Variants in SIL1 observed in about 807,000 individuals in gnomAD.
The protein encoded by SIL1 is SIL1 nucleotide exchange factor, also known as nucleotide exchange factor SIL1.
A neutral mutation model predicts 49.1 loss-of-function variants in SIL1; 40 were observed. That is an observed-to-expected ratio of 0.81 (90% CI 0.63 to 1.06). The LOEUF is 1.06. Ranked by LOEUF, SIL1 falls within the 50% of genes least tolerant of loss-of-function variation. The pLI, the probability that SIL1 is intolerant of heterozygous loss-of-function variation, is 0.00. For synonymous variants in SIL1, 253 were observed against 250.8 expected (o/e 1.01, Z -0.08); for missense variants, 500 against 572.6 (o/e 0.87, Z 1.29).
intron 3 of SIL1, among the ~76,000 whole-genome samples, chr5:139,100,872 G>A (rs1770571555): frequency 6.6e-6 from 1 of 151,988 alleles, no homozygotes; most frequent in Admixed American, 6.6e-5. Flanking sequence ...CCAAGTAAAG[G>A]TGTCTAGTAG....
chr5:139,155,388 T>C (rs1751385065), intron 1 of SIL1: 1 of 151,274 alleles, frequency 6.6e-6, no homozygotes, highest in South Asian at 2.1e-4. Context: ...TGCAGATGGC[T>C]GCCCTCTTGC....
At chr5:139,062,242 C>CT (rs34712860) in intron 3 of SIL1, among the ~76,000 whole-genome samples, 1 of 151,944 alleles carries the variant, frequency 6.6e-6, no homozygotes, top group South Asian at 2.1e-4. Context: ...AAATGGAGAC[C>CT]TTTTTTTTAA....
intron 1 of SIL1, among the ~76,000 whole-genome samples, chr5:139,148,652 G>A (rs762071718): frequency 3.3e-5 from 5 of 152,176 alleles, no homozygotes; most frequent in East Asian, 1.9e-4. Context: ...CAATCCCACC[G>A]GGTCATGAAT....
intron 1 of SIL1, among the ~76,000 whole-genome samples, chr5:139,133,886 T>C (rs1182831772): frequency 6.6e-6 from 1 of 152,202 alleles, no homozygotes; most frequent in Non-Finnish European, 1.5e-5. Context: ...CACTGGGTAG[T>C]ATAACACATG....
intron 3 of SIL1, among the ~76,000 whole-genome samples, chr5:139,054,292 T>C (rs1769356607): frequency 6.6e-6 from 1 of 152,118 alleles, no homozygotes; most frequent in Non-Finnish European, 1.5e-5. Context: ...GCTCCTATAG[T>C]CCTAGCCACT....
At chr5:139,057,379 A>T (rs1769476758) in intron 3 of SIL1, among the ~76,000 whole-genome samples, 2 of 151,618 alleles carry the variant, frequency 1.3e-5, no homozygotes, top group Admixed American at 1.3e-4. Context: ...AGGATGAGAC[A>T]CCCACGGAGA....
intron 3 of SIL1, among the ~76,000 whole-genome samples, chr5:139,117,286 T>C (rs1446588957): frequency 2.0e-5 from 3 of 152,150 alleles, no homozygotes; most frequent in Non-Finnish European, 2.9e-5. Context: ...GCCAGACAAA[T>C]CTAGGTTTGA....
chr5:139,147,883 C>A (rs747667273), intron 1 of SIL1, among the ~76,000 whole-genome samples: 8 of 152,160 alleles, frequency 5.3e-5, no homozygotes, highest in Non-Finnish European at 1.2e-4. Flanking sequence ...GCACGCTGCC[C>A]TGGGGAGCCG....
chr5:139,106,619 G>C (rs1770718398), intron 3 of SIL1, among the ~76,000 whole-genome samples: 1 of 152,094 alleles, frequency 6.6e-6, no homozygotes, highest in Non-Finnish European at 1.5e-5. Flanking sequence ...TTGTGTGCTA[G>C]AATGAAAGAC....
intron 4 of SIL1, among the ~76,000 whole-genome samples, chr5:139,046,293 C>T (rs773505346): frequency 3.9e-4 from 59 of 152,026 alleles, no homozygotes; most frequent in Non-Finnish European, 4.4e-5. Flanking sequence ...TGCCACTGCA[C>T]TCCAGCCTGG....
intron 3 of SIL1, among the ~76,000 whole-genome samples, chr5:139,080,921 G>A (rs1376284256): frequency 6.6e-6 from 1 of 152,194 alleles, no homozygotes; most frequent in Non-Finnish European, 1.5e-5. Context: ...CATACCCATA[G>A]AATTTAAATT....
At chr5:139,101,002 G>A (rs1770575695) in intron 3 of SIL1, among the ~76,000 whole-genome samples, 1 of 151,962 alleles carries the variant, frequency 6.6e-6, no homozygotes, top group East Asian at 1.9e-4. Flanking sequence ...CGCCTTAAGT[G>A]TAGACAGAGA....
chr5:139,076,246 T>C (rs142281964), intron 3 of SIL1, among the ~76,000 whole-genome samples: 94 of 152,318 alleles, frequency 6.2e-4, no homozygotes, highest in African/African-American at 2.1e-3. Flanking sequence ...TATAAACTGA[T>C]CCTATTTCTC....
At chr5:139,175,530 T>C (rs1751863330) in intron 1 of SIL1, among the ~76,000 whole-genome samples, 1 of 152,250 alleles carries the variant, frequency 6.6e-6, no homozygotes. Flanking sequence ...CTAGACCTGA[T>C]GGCTTCACCA....
intron 1 of SIL1, chr5:139,131,753 G>GAGAGT (rs1750869251): frequency 6.6e-6 from 1 of 152,354 alleles, no homozygotes; most frequent in Non-Finnish European, 1.5e-5. Flanking sequence ...GCCATCCCTG[G>GAGAGT]GTGTGAGCAG....
intron 1 of SIL1, among the ~76,000 whole-genome samples, chr5:139,182,774 C>T (rs1186135687): frequency 6.6e-6 from 1 of 152,182 alleles, no homozygotes; most frequent in Non-Finnish European, 1.5e-5. Flanking sequence ...GGGGGTTTCA[C>T]AGCTGAGGAC....
intron 7 of SIL1, among the ~76,000 whole-genome samples, chr5:138,962,305 T>A (rs1263872220): frequency 2.8e-5 from 4 of 141,540 alleles, no homozygotes; most frequent in Non-Finnish European, 1.6e-5. Context: ...ACTTTTTCCA[T>A]TTTTTTTTTT....
At chr5:139,065,004 A>T (rs1375012170) in intron 3 of SIL1, among the ~76,000 whole-genome samples, 2 of 152,194 alleles carry the variant, frequency 1.3e-5, no homozygotes, top group Admixed American at 1.3e-4. Flanking sequence ...CAGCTATGAG[A>T]AAAAGACCAG....
chr5:139,045,386 C>A (rs547607401), intron 4 of SIL1, among the ~76,000 whole-genome samples: 1 of 152,040 alleles, frequency 6.6e-6, no homozygotes, highest in African/African-American at 2.4e-5. Context: ...CCTTTCCTGG[C>A]TTGTTACCTC....
Sources: allele counts gnomAD v4.1 joint callset (sites outside exome capture counted in the v4.1 genomes callset), GRCh38; gene constraint gnomAD v4.1.1; transcripts MANE v1.5; gene names NCBI Gene and HGNC (gene_info 2026-07-23, HGNC 2026-07-21).